C13orf42: variants seen among roughly 807,000 people sequenced by gnomAD.
C13orf42 encodes the protein uncharacterized protein C13orf42.
upstream of C13orf42, among the ~76,000 whole-genome samples, chr13:51,113,490 T>C (rs993572007): frequency 1.3e-5 from 2 of 152,204 alleles, no homozygotes. Context: ...CTTTAACGTA[T>C]CTTACTTAGA....
intron 1 of C13orf42, among the ~76,000 whole-genome samples, chr13:51,095,576 G>A (rs1470807766): frequency 6.6e-6 from 1 of 150,822 alleles, no homozygotes; most frequent in African/African-American, 2.4e-5. Flanking sequence ...TGTTAGTTTT[G>A]GTCATCTCTT....
At chr13:51,085,272 G>C (rs1444938575) in intron 3 of C13orf42, 47 bp downstream of exon 3, 1 of 396,496 alleles carries the variant, frequency 2.5e-6, no homozygotes, top group Non-Finnish European at 4.4e-6. Flanking sequence ...CAAGCGTCTG[G>C]AGGCCACGAG....
At chr13:51,164,615 G>C (rs560426733) in intron 1 of C13orf42, among the ~76,000 whole-genome samples, 7 of 152,298 alleles carry the variant, frequency 4.6e-5, no homozygotes, top group Admixed American at 3.3e-4. Flanking sequence ...AGCTATGATT[G>C]CACCACTGCG....
intron 1 of C13orf42, among the ~76,000 whole-genome samples, chr13:51,090,095 G>A (rs1953166895): frequency 6.6e-6 from 1 of 152,106 alleles, no homozygotes; most frequent in Admixed American, 6.5e-5. Flanking sequence ...TCTTAGTGCA[G>A]CAGGCCCAGC....
chr13:51,114,651 T>TAGATAGAGAGAGATAGAC (rs1555266732), upstream of C13orf42, among the ~76,000 whole-genome samples: 3 of 142,378 alleles, frequency 2.1e-5, no homozygotes, highest in African/African-American at 5.2e-5. Flanking sequence ...TAGATAGAGA[T>TAGATAGAGAGAGATAGAC]AGACAGACAG....
intron 1 of C13orf42, among the ~76,000 whole-genome samples, chr13:51,105,724 ATT>A (rs1303431356): frequency 6.6e-6 from 1 of 151,746 alleles, no homozygotes; most frequent in South Asian, 2.1e-4. Flanking sequence ...ATTTTCTATG[ATT>A]TTTTTTCTCT....
intron 1 of C13orf42, among the ~76,000 whole-genome samples, chr13:51,133,797 G>T (rs1272785396): frequency 6.6e-6 from 1 of 152,194 alleles, no homozygotes; most frequent in Non-Finnish European, 1.5e-5. Context: ...GTGTGTCCAA[G>T]AGAAAAATGA....
chr13:51,119,983 A>T (rs976642308), intron 1 of C13orf42, among the ~76,000 whole-genome samples: 10 of 65,702 alleles, frequency 1.5e-4, no homozygotes, highest in Admixed American at 6.5e-4. Flanking sequence ...TTTCCTTTTA[A>T]AAAAAAAAGA....
Position 51,109,227 on chromosome 13 carries a change from A to T in C13orf42, c.414+1569T>A, listed in dbSNP as rs202091807. ...ATTATTTAAACTGCTCCCACCTGGT[A>T]TAACATGCAGACAGTTGAAACCAAT... On this transcript the variant is annotated intron_variant, in intron 1 of 3. Coordinates refer to ENST00000563710, the MANE Select transcript of C13orf42 (RefSeq NM_001351589.3). Among the ~76,000 whole-genome samples the T allele has an allele frequency of 7.9e-5, 12 of 152,354 alleles. No individual in the cohort carries two copies. In the East Asian group the frequency reaches 2.3e-3, roughly 29 times the overall value.
chr13:51,110,635 G>A (rs551257393), intron 1 of C13orf42, among the ~76,000 whole-genome samples, 161 bp downstream of exon 1: 1 of 152,308 alleles, frequency 6.6e-6, no homozygotes, highest in South Asian at 2.1e-4. Flanking sequence ...CCTTCCCCAG[G>A]CTGGGGATAT....
In C13orf42 at chr13:51,171,413, A is replaced by C. The variant is rs561741906; in HGVS notation, n.136+840T>G. Among the ~76,000 whole-genome samples the C allele has an allele frequency of 2.5e-4, 38 of 152,082 alleles. No individual in the cohort carries two copies. The Middle Eastern group carries it at 0.02, about 82-fold the overall frequency. On this transcript the variant is annotated intron_variant and non_coding_transcript_variant, in intron 1 of 4. Coordinates refer to the C13orf42 transcript ENST00000433280. The stretch of plus-strand genomic sequence containing the variant: ...CATCAGTCCCTTCCTAGTCTCTGTG[A>C]CCAGTGCAACTCGTCCCAAATCTTC...
chr13:51,132,447 A>G (rs886731428), intron 1 of C13orf42, among the ~76,000 whole-genome samples: 13 of 152,018 alleles, frequency 8.6e-5, no homozygotes, highest in Non-Finnish European at 1.5e-5. Context: ...AAAAAAAAAA[A>G]GCAGGATAAG....
intron 1 of C13orf42, among the ~76,000 whole-genome samples, chr13:51,151,081 T>C (rs1953774540): frequency 6.6e-6 from 1 of 152,144 alleles, no homozygotes; most frequent in Non-Finnish European, 1.5e-5. Context: ...GTAGACAGAA[T>C]AACAGCCCCT....
chr13:51,095,669 T>C (rs891461049), intron 1 of C13orf42, among the ~76,000 whole-genome samples: 19 of 152,186 alleles, frequency 1.2e-4, no homozygotes, highest in African/African-American at 4.6e-4. Context: ...TCTTCATCTC[T>C]GTTCTGTGCT....
intron 1 of C13orf42, among the ~76,000 whole-genome samples, chr13:51,159,574 CT>C (rs1566142329): frequency 6.6e-6 from 1 of 152,184 alleles, no homozygotes; most frequent in Non-Finnish European, 1.5e-5. Context: ...GCTGTTGCCA[CT>C]GTCATTGTTA....
At chr13:51,126,016 G>C (rs1953574372) in intron 1 of C13orf42, among the ~76,000 whole-genome samples, 1 of 152,166 alleles carries the variant, frequency 6.6e-6, no homozygotes, top group Non-Finnish European at 1.5e-5. Flanking sequence ...TACAATAACA[G>C]GTGCACCAAG....
At position 51,083,975 on chromosome 13, in the gene C13orf42, C is replaced by A. The variant is rs1242602656; in HGVS notation, c.*176G>T. ...GCTCTGAGAGTGTCCTGAGACCTGT[C>A]CCCTGGGAAGCCACAGGTCTGTTTG... On this transcript the variant is annotated 3_prime_UTR_variant, in exon 4 of 4. Transcript: ENST00000563710. The A allele has an allele frequency of 5.1e-6, 2 of 388,962 alleles. No homozygotes were observed. Among genetic ancestry groups the A allele is most frequent in the Non-Finnish European group, 9.1e-6 (2 of 220,554 alleles). The allele number at this position is 388,962 out of a possible 1,614,324, so 24.1% of individuals were successfully genotyped here.
At chr13:51,107,754 G>T (rs964587798) in intron 1 of C13orf42, among the ~76,000 whole-genome samples, 1 of 152,198 alleles carries the variant, frequency 6.6e-6, no homozygotes, top group African/African-American at 2.4e-5. Context: ...AGAAAAATGA[G>T]AAAGATACTG....
chr13:51,103,656 G>A (rs182683687), intron 1 of C13orf42, among the ~76,000 whole-genome samples: 235 of 152,084 alleles, frequency 1.5e-3, no homozygotes, highest in African/African-American at 5.0e-3. Flanking sequence ...AGCCAAGATC[G>A]CGCCACTGCA....
Sources: gnomAD v4.1 joint callset for allele counts (sites outside exome capture counted in the v4.1 genomes callset) on GRCh38, gnomAD v4.1.1 for gene constraint, MANE v1.5 for transcripts, NCBI Gene and HGNC (gene_info 2026-07-23, HGNC 2026-07-21) for gene names.